WDR72: variants seen among roughly 807,000 people sequenced by gnomAD.
The protein encoded by WDR72 is WD repeat-containing protein 72.
In WDR72, 120 loss-of-function variants were observed where a neutral mutation model predicts 124.2. The observed-to-expected ratio is 0.97, with a 90% CI of 0.83 to 1.12. The LOEUF (loss-of-function observed/expected upper bound fraction) is 1.12. Among genes scored for constraint, WDR72 ranks in the 50% most tolerant of loss-of-function variants. WDR72 has a pLI of 0.00. For missense variants in WDR72, 1,387 were observed against 1,278.8 expected, an observed-to-expected ratio of 1.08 and a Z score of -1.29; for synonymous variants, 452 against 441.7, an observed-to-expected ratio of 1.02 and a Z score of -0.29.
intron 18 of WDR72, among the ~76,000 whole-genome samples, chr15:53,530,369 G>C (rs1181127781): frequency 6.6e-6 from 1 of 151,782 alleles, no homozygotes; most frequent in Non-Finnish European, 1.5e-5. Flanking sequence ...ACTAAAAGAA[G>C]TATGGTGGTG....
chr15:53,543,989 T>G (rs1186696141), intron 18 of WDR72, among the ~76,000 whole-genome samples: 8 of 151,268 alleles, frequency 5.3e-5, no homozygotes, highest in African/African-American at 1.5e-4. Flanking sequence ...AATAGACCAA[T>G]AACAGGAGCT....
chr15:53,683,694 T>C (rs966001390), intron 13 of WDR72, among the ~76,000 whole-genome samples: 2 of 152,066 alleles, frequency 1.3e-5, no homozygotes, highest in East Asian at 3.9e-4. Context: ...TAATTTATAA[T>C]TACTTGGGTA....
intron 13 of WDR72, 34 bp downstream of exon 13, chr15:53,699,716 T>C (rs530930786): frequency 1.2e-6 from 2 of 1,604,502 alleles, no homozygotes; most frequent in East Asian, 2.2e-5. Flanking sequence ...ATCATAAATA[T>C]ATAAAGAATG....
intron 3 of WDR72, among the ~76,000 whole-genome samples, chr15:53,722,185 C>A (rs548367420): frequency 1.3e-5 from 2 of 152,118 alleles, no homozygotes; most frequent in South Asian, 4.2e-4. Context: ...AGGCATGCAT[C>A]ACCATGCCCA....
At chr15:53,645,116 G>A (rs1002726458) in intron 14 of WDR72, among the ~76,000 whole-genome samples, 3 of 152,002 alleles carry the variant, frequency 2.0e-5, no homozygotes, top group African/African-American at 7.3e-5. Context: ...CTGCTTTAGC[G>A]AACTGTATCT....
intron 14 of WDR72, among the ~76,000 whole-genome samples, chr15:53,629,493 A>C (rs1289608355): frequency 2.0e-5 from 3 of 152,212 alleles, no homozygotes; most frequent in South Asian, 2.1e-4. Flanking sequence ...AAAAAGTAAA[A>C]ATAAAATGAA....
intron 18 of WDR72, among the ~76,000 whole-genome samples, chr15:53,585,058 TC>T (rs773988361): frequency 1.4e-4 from 22 of 151,954 alleles, no homozygotes; most frequent in Non-Finnish European, 2.6e-4. Flanking sequence ...AGTGCCTACA[TC>T]CCCCACTTCT....
At chr15:53,662,561 C>A (rs1176152818) in intron 14 of WDR72, among the ~76,000 whole-genome samples, 2 of 152,102 alleles carry the variant, frequency 1.3e-5, no homozygotes, top group Admixed American at 6.5e-5. Flanking sequence ...ACAAAGTAAC[C>A]TTTAACAGTT....
Position 53,712,901 on chromosome 15 carries a change from G to C in WDR72, c.592-10C>G. On this transcript the variant is annotated splice_polypyrimidine_tract_variant and intron_variant, in intron 6 of 19. Transcript: ENST00000360509. Reference sequence around the variant, plus strand: ...AGACATCTTGCTTTTCCTTCAAAAGGAAAGAAAATCTTTTAGTACTAGTTC... The same window carrying C: ...AGACATCTTGCTTTTCCTTCAAAAGCAAAGAAAATCTTTTAGTACTAGTTC... The C allele has an allele frequency of 6.2e-7, 1 of 1,612,832 alleles. No individual in the cohort carries two copies.
At chr15:53,639,127 C>G (rs944474427) in intron 14 of WDR72, among the ~76,000 whole-genome samples, 3 of 152,178 alleles carry the variant, frequency 2.0e-5, no homozygotes, top group Non-Finnish European at 2.9e-5. Context: ...ACTACCTTTT[C>G]TTTCCCTTCT....
chr15:53,530,635 T>C (rs999222407), intron 18 of WDR72, among the ~76,000 whole-genome samples: 1 of 152,048 alleles, frequency 6.6e-6, no homozygotes, highest in African/African-American at 2.4e-5. Flanking sequence ...GAAGAATTTA[T>C]AGTAAACTTC....
At position 53,726,232 on chromosome 15, in the gene WDR72, ATATG is replaced by A. The variant is rs1343815193; in HGVS notation, c.154-3328_154-3325del. Among the ~76,000 whole-genome samples, 11 of 140,270 alleles carry A rather than the reference ATATG, an allele frequency of 7.8e-5. No homozygotes were observed. The East Asian group carries it at 8.3e-4, about 11-fold the overall frequency. The allele number at this position is 140,270 out of a possible 152,430, so 92.0% of individuals were successfully genotyped here. Reference sequence around the variant, plus strand: ...TATATATGTATGTGTATATATATATATATGTATGTGTGTATATATATATGTATGT... The same window carrying A: ...TATATATGTATGTGTATATATATATATATGTGTGTATATATATATGTATGT... On this transcript the variant is annotated intron_variant, in intron 2 of 19. Coordinates refer to ENST00000360509, the MANE Select transcript of WDR72 (RefSeq NM_182758.4).
At chr15:53,650,245 T>C (rs1234416907) in intron 14 of WDR72, among the ~76,000 whole-genome samples, 1 of 152,110 alleles carries the variant, frequency 6.6e-6, no homozygotes, top group African/African-American at 2.4e-5. Flanking sequence ...GTCAAATTCA[T>C]AGAATCGAAG....
chr15:53,677,069 C>G (rs1438332484), intron 13 of WDR72, among the ~76,000 whole-genome samples: 1 of 151,822 alleles, frequency 6.6e-6, no homozygotes, highest in Non-Finnish European at 1.5e-5. Flanking sequence ...TACAGGCACC[C>G]TCCCGCACGC....
chr15:53,706,592 G>C (rs59364158), intron 9 of WDR72, among the ~76,000 whole-genome samples: 4,549 of 151,464 alleles, frequency 0.03, 179 homozygotes, highest in African/African-American at 0.087. Flanking sequence ...AGCAACCCAT[G>C]TCTTGATGCT....
chr15:53,628,956 A>G (rs1040936545), intron 14 of WDR72, among the ~76,000 whole-genome samples: 2 of 152,210 alleles, frequency 1.3e-5, no homozygotes, highest in African/African-American at 4.8e-5. Flanking sequence ...TAAGCAGATA[A>G]TAAGGCTTTA....
intron 17 of WDR72, among the ~76,000 whole-genome samples, chr15:53,606,486 G>A (rs2013287687): frequency 6.6e-6 from 1 of 152,116 alleles, no homozygotes; most frequent in Admixed American, 6.5e-5. Context: ...GGGCAAATGA[G>A]ACAAACAAGG....
intron 14 of WDR72, among the ~76,000 whole-genome samples, chr15:53,647,215 C>T (rs1478570532): frequency 2.0e-5 from 3 of 152,014 alleles, no homozygotes; most frequent in African/African-American, 7.2e-5. Flanking sequence ...AACTCAGACA[C>T]CAAATTCTGA....
intron 18 of WDR72, among the ~76,000 whole-genome samples, chr15:53,565,390 C>T (rs1484387662): frequency 2.0e-5 from 3 of 151,960 alleles, no homozygotes; most frequent in Non-Finnish European, 4.4e-5. Flanking sequence ...GTCCTCTCCC[C>T]AGCCACCCAT....
Sources: allele counts gnomAD v4.1 joint callset (sites outside exome capture counted in the v4.1 genomes callset), GRCh38; gene constraint gnomAD v4.1.1; transcripts MANE v1.5; gene names NCBI Gene and HGNC (gene_info 2026-07-23, HGNC 2026-07-21).